FOXK2: variants seen among roughly 807,000 people sequenced by gnomAD.
FOXK2 encodes forkhead box K2.
In FOXK2, 24 loss-of-function variants were observed where a neutral mutation model predicts 53.3. That is an observed-to-expected ratio of 0.45 (90% CI 0.33 to 0.63). The LOEUF (loss-of-function observed/expected upper bound fraction) is 0.63, where lower values mean the gene tolerates loss of function less well. Among genes scored for constraint, FOXK2 ranks in the 30% least tolerant of loss-of-function variants. The pLI, the probability that FOXK2 is intolerant of heterozygous loss-of-function variation, is 0.03. For missense variants in FOXK2, 952 were observed against 910.5 expected, an observed-to-expected ratio of 1.05 and a Z score of -0.59; for synonymous variants, 505 against 407.1, an observed-to-expected ratio of 1.24 and a Z score of -2.89.
In FOXK2 at chr17:82,601,403, G is replaced by A. The variant is rs369791276; in HGVS notation, c.1887G>A (p.Leu629=). The change falls in exon 9 of 9, where the codon CTG becomes CTA. Residue 629 remains leucine, a synonymous_variant. Coordinates refer to ENST00000335255, the MANE Select transcript of FOXK2 (RefSeq NM_004514.4). ...HNGDQPEQPE[L]KRIKTEDGEG... is the part of the protein sequence containing the mutation. Reference sequence around the variant, plus strand: ...GTGACCAGCCGGAGCAGCCGGAGCTGAAGCGGATCAAGACAGAAGACGGCG... The same window carrying A: ...GTGACCAGCCGGAGCAGCCGGAGCTAAAGCGGATCAAGACAGAAGACGGCG... 1 of 1,613,324 alleles carries A rather than the reference G, an allele frequency of 6.2e-7. No individual in the cohort carries two copies. The highest frequency in any genetic ancestry group is 1.3e-5 in the African/African-American group (1 of 75,068).
intron 2 of FOXK2, among the ~76,000 whole-genome samples, chr17:82,564,395 T>C (rs559405764): frequency 8.4e-6 from 1 of 118,536 alleles, no homozygotes; most frequent in East Asian, 2.5e-4. Flanking sequence ...TTTGTTTGTT[T>C]GTTTGTTTTG....
intron 1 of FOXK2, among the ~76,000 whole-genome samples, chr17:82,561,914 G>C (rs1244444806): frequency 2.0e-5 from 3 of 152,062 alleles, no homozygotes; most frequent in African/African-American, 7.2e-5. Flanking sequence ...TTGGGGGGGG[G>C]GGGTGCCCGC....
chr17:82,553,648 G>T (rs1446110185), intron 1 of FOXK2, among the ~76,000 whole-genome samples: 5 of 152,192 alleles, frequency 3.3e-5, no homozygotes, highest in Non-Finnish European at 7.3e-5. Context: ...ACATTCACAG[G>T]CGTGGCTGCG....
chr17:82,587,341 G>C (rs776260486), intron 8 of FOXK2, 69 bp downstream of exon 8: 1 of 1,249,624 alleles, frequency 8.0e-7, no homozygotes, highest in African/African-American at 1.5e-5. Flanking sequence ...CTCACTCGTG[G>C]TTTCGGTTCT....
intron 8 of FOXK2, 157 bp downstream of exon 8, chr17:82,587,429 G>C: frequency 3.0e-6 from 2 of 670,756 alleles, no homozygotes; most frequent in Non-Finnish European, 5.2e-6. Context: ...TGCTGGGGAA[G>C]TGGTCGTGGA....
At chr17:82,585,727 CT>C (rs1289426786) in intron 6 of FOXK2, among the ~76,000 whole-genome samples, 176 bp from the exon 7 acceptor site, 1 of 152,186 alleles carries the variant, frequency 6.6e-6, no homozygotes, top group Non-Finnish European at 1.5e-5. Context: ...TTAAATACCC[CT>C]TTTAAAATAC....
Position 82,563,480 on chromosome 17 carries a change from G to A in FOXK2, c.546G>A (p.Leu182=), listed in dbSNP as rs776280220. Reference sequence around the variant, plus strand: ...CCGTACAGCCACACATCTCGCCCCTGACCATCAACATTCCAGACACCATGG... The same window carrying A: ...CCGTACAGCCACACATCTCGCCCCTAACCATCAACATTCCAGACACCATGG... ...VKAVQPHISP[L]TINIPDTMAH... The change falls in exon 2 of 9, where the codon CTG becomes CTA. Residue 182 remains leucine, a synonymous_variant. Coordinates refer to ENST00000335255, the MANE Select transcript of FOXK2 (RefSeq NM_004514.4). 1.8e-5 allele frequency: 29 copies of A among 1,613,964 alleles called. No homozygotes were observed. Among genetic ancestry groups the A allele is most frequent in the African/African-American group, 2.7e-5 (2 of 74,896 alleles).
intron 1 of FOXK2, among the ~76,000 whole-genome samples, chr17:82,554,645 C>T (rs906090177): frequency 7.9e-5 from 12 of 152,072 alleles, no homozygotes; most frequent in Non-Finnish European, 1.8e-4. Context: ...TTAACCTGTC[C>T]CTTCCTTCCA....
chr17:82,520,796 G>A (rs756645249), intron 1 of FOXK2, among the ~76,000 whole-genome samples: 1 of 152,214 alleles, frequency 6.6e-6, no homozygotes, highest in Admixed American at 6.5e-5. Flanking sequence ...CAAGAGTGCG[G>A]TGTTTTAAGC....
At chr17:82,566,260 C>T (rs940539186) in intron 2 of FOXK2, among the ~76,000 whole-genome samples, 5 of 151,902 alleles carry the variant, frequency 3.3e-5, no homozygotes, top group Non-Finnish European at 4.4e-5. Flanking sequence ...AAAAATAGGC[C>T]CCCTGGAAAA....
At chr17:82,547,974 G>A (rs370033388) in intron 1 of FOXK2, among the ~76,000 whole-genome samples, 15 of 152,264 alleles carry the variant, frequency 9.9e-5, no homozygotes, top group East Asian at 3.9e-4. Context: ...ATTGCTGGGC[G>A]GCAGCTGAGT....
intron 1 of FOXK2, among the ~76,000 whole-genome samples, chr17:82,550,147 T>A (rs2044662055): frequency 6.6e-6 from 1 of 152,184 alleles, no homozygotes; most frequent in African/African-American, 2.4e-5. Flanking sequence ...GCCATGATTG[T>A]GCCACTGCCT....
chr17:82,587,072 A>T lies in FOXK2; in HGVS notation c.1586A>T (p.Glu529Val). The T allele has an allele frequency of 6.2e-7, 1 of 1,612,688 alleles. No individual in the cohort carries two copies. Among genetic ancestry groups the T allele is most frequent in the East Asian group, 2.2e-5 (1 of 44,890 alleles). Residue 529 changes from glutamate to valine, a missense_variant, in exon 8 of 9, where the codon GAG becomes GTG. Glu to Val is a moderately radical substitution (Grantham distance 121, BLOSUM62 -2). Around this residue, in one of 5 missense-constraint regions of FOXK2, gnomAD observed 551 missense variants for 385.1 expected, o/e 1.43. Coordinates refer to ENST00000335255, the MANE Select transcript of FOXK2 (RefSeq NM_004514.4). The part of the protein sequence containing the change: ...GDHREVKVKV[E>V]PIPAIGHATL... ...TTTCCTTTAATTTCAGTGAAAGTAGAGCCTATTCCCGCCATTGGCCACGCC... is the reference window on the plus strand; with the variant it reads ...TTTCCTTTAATTTCAGTGAAAGTAGTGCCTATTCCCGCCATTGGCCACGCC...
intron 8 of FOXK2, among the ~76,000 whole-genome samples, chr17:82,597,152 A>C (rs766401099): frequency 4.6e-5 from 7 of 152,336 alleles, no homozygotes; most frequent in South Asian, 2.1e-4. Flanking sequence ...CGAGGTGCTC[A>C]TACATCACAC....
Position 82,586,942 on chromosome 17 carries a change from GT to G in FOXK2, c.1577-118del, listed in dbSNP as rs2045184130. The G allele has an allele frequency of 4.4e-6, 4 of 905,664 alleles. No individual in the cohort carries two copies. In the Middle Eastern group the frequency reaches 7.4e-4, roughly 168 times the overall value. The allele number at this position is 905,664 out of a possible 1,614,324, so 56.1% of individuals were successfully genotyped here. A position where few individuals can be genotyped will look rare whatever the true frequency, so the allele number is the denominator to read the frequency against. Reference sequence around the variant, plus strand: ...TTTGCTCATCTTTTTCTAATTTGCTGTTTGTTTTAGAGACATTTTCTAGCAG... The same window carrying G: ...TTTGCTCATCTTTTTCTAATTTGCTGTTGTTTTAGAGACATTTTCTAGCAG... On this transcript the variant is annotated intron_variant, in intron 7 of 8. Transcript: ENST00000335255.
rs1381268128 is a variant in FOXK2 at position 82,602,678 on chromosome 17, A to G, written c.*1179A>G. 2 of 152,372 alleles carry G rather than the reference A, an allele frequency of 1.3e-5. No homozygotes were observed. Among genetic ancestry groups the G allele is most frequent in the East Asian group, 3.9e-4 (2 of 5,188 alleles). 9.4% of individuals were successfully genotyped at this position (152,372 alleles called of 1,614,324 possible). On this transcript the variant is annotated 3_prime_UTR_variant, in exon 9 of 9. Transcript: ENST00000335255. Reference sequence around the variant, plus strand: ...CCCTGACCTTTCAGAACCGAACCCAATCCTGAGGCTGACTCCTCTACGGAA... The same window carrying G: ...CCCTGACCTTTCAGAACCGAACCCAGTCCTGAGGCTGACTCCTCTACGGAA...
intron 3 of FOXK2, among the ~76,000 whole-genome samples, chr17:82,569,103 A>G (rs1198530060): frequency 6.6e-6 from 1 of 152,246 alleles, no homozygotes; most frequent in Non-Finnish European, 1.5e-5. Flanking sequence ...AGGGAATAGC[A>G]TGCAGAGTAT....
At chr17:82,540,637 G>A (rs561965384) in intron 1 of FOXK2, among the ~76,000 whole-genome samples, 1 of 152,248 alleles carries the variant, frequency 6.6e-6, no homozygotes, top group East Asian at 1.9e-4. Context: ...CCCACTGGAT[G>A]CTACTCTGCA....
At chr17:82,563,750 C>T (rs1180067061) in intron 2 of FOXK2, among the ~76,000 whole-genome samples, 10 of 94,578 alleles carry the variant, frequency 1.1e-4, no homozygotes, top group African/African-American at 4.0e-4. Flanking sequence ...TTACTCATTC[C>T]CTTTTTTTTT....
Sources: gnomAD v4.1 joint callset for allele counts (sites outside exome capture counted in the v4.1 genomes callset) on GRCh38, gnomAD v4.1.1 for gene constraint, gnomAD v4.1.1 regional missense constraint, MANE v1.5 for transcripts, NCBI Gene and HGNC (gene_info 2026-07-23, HGNC 2026-07-21) for gene names.